The following TBK1 variants were observed in gnomAD, a reference collection of about 807,000 sequenced individuals.
TBK1 encodes the protein TANK binding kinase 1, also known as serine/threonine-protein kinase TBK1.
A neutral mutation model predicts 99.9 loss-of-function variants in TBK1; 37 were observed. That is an observed-to-expected ratio of 0.37 (90% CI 0.28 to 0.49). The LOEUF (loss-of-function observed/expected upper bound fraction) is 0.49. Among genes scored for constraint, TBK1 ranks in the 20% least tolerant of loss-of-function variants. The pLI is 0.98. For missense variants in TBK1, 644 were observed against 872.5 expected (o/e 0.74, Z 3.30); for synonymous variants, 258 against 279.8 (o/e 0.92, Z 0.78).
chr12:64,466,958 G>C lies in TBK1; in HGVS notation c.416G>C (p.Gly139Ala). Reference sequence around the variant, plus strand: ...ATAGTGCACCGTGATATCAAGCCAGGAAATATCATGCGTGTTATAGGGGAA... The same window carrying C: ...ATAGTGCACCGTGATATCAAGCCAGCAAATATCATGCGTGTTATAGGGGAA... ...NGIVHRDIKP[G>A]NIMRVIGEDG... Residue 139 changes from glycine (G) to alanine (A), a missense_variant, in exon 5 of 21, where the codon GGA becomes GCA. Gly to Ala is a moderately conservative substitution (Grantham distance 60). Transcript: ENST00000331710. 1 of 1,612,908 alleles carries C rather than the reference G, an allele frequency of 6.2e-7. No individual in the cohort carries two copies. Among genetic ancestry groups the C allele is most frequent in the Non-Finnish European group, 8.5e-7 (1 of 1,179,448 alleles).
In TBK1 at chr12:64,502,001, A is replaced by G. The variant is rs1868250028; in HGVS notation, c.*620A>G. ...ATTCATTTTTTTCCTTTGGCCATAA[A>G]TGTGTAATTGTCATTAAAATTCTAA... On this transcript the variant is annotated 3_prime_UTR_variant, in exon 21 of 21. Transcript: ENST00000331710. 1 of 152,604 alleles carries G rather than the reference A, an allele frequency of 6.6e-6. No homozygotes were observed. The highest frequency in any genetic ancestry group is 6.5e-5 in the Admixed American group (1 of 15,270). The allele number at this position is 152,604 out of a possible 1,614,324, so 9.5% of individuals were successfully genotyped here.
chr12:64,459,542 G>T (rs150469463), intron 2 of TBK1, among the ~76,000 whole-genome samples: 52 of 152,250 alleles, frequency 3.4e-4, no homozygotes, highest in Non-Finnish European at 7.1e-4. Context: ...TCTAGAGAGG[G>T]TCTGTGAAGG....
intron 13 of TBK1, among the ~76,000 whole-genome samples, chr12:64,494,515 A>T (rs1201749739): frequency 6.6e-6 from 1 of 152,104 alleles, no homozygotes. Context: ...GTACATGTTT[A>T]AAAAATGTTA....
intron 11 of TBK1, among the ~76,000 whole-genome samples, chr12:64,487,981 A>G (rs1253177856): frequency 1.3e-5 from 2 of 152,228 alleles, no homozygotes; most frequent in African/African-American, 4.8e-5. Flanking sequence ...GCTCAAAGGA[A>G]ATACTCATTG....
In TBK1 at chr12:64,497,741, G is replaced by C. The variant is rs753180956; in HGVS notation, c.2053G>C (p.Glu685Gln). The C allele has an allele frequency of 1.3e-6, 2 of 1,599,776 alleles. No homozygotes were observed. The highest frequency in any genetic ancestry group is 8.5e-7 in the Non-Finnish European group (1 of 1,173,476). ...PIYPSSNTLV[E>Q]MTLGMKKLKE... Reference sequence around the variant, plus strand: ...TTATCCAAGTTCTAACACATTAGTAGAAATGACTCTTGGGTAAGAAACTCA... The same window carrying C: ...TTATCCAAGTTCTAACACATTAGTACAAATGACTCTTGGGTAAGAAACTCA... The change falls in exon 19 of 21, where the codon GAA becomes CAA. Residue 685 changes from glutamate (E) to glutamine (Q), a missense_variant. Transcript: ENST00000331710.
At chr12:64,470,912 A>C (rs1207084373) in intron 5 of TBK1, among the ~76,000 whole-genome samples, 1 of 152,182 alleles carries the variant, frequency 6.6e-6, no homozygotes, top group Non-Finnish European at 1.5e-5. Flanking sequence ...AAATAAATTA[A>C]TTCCAAGTCT....
At chr12:64,496,911 G>T in intron 16 of TBK1, 38 bp from the exon 17 acceptor site, 2 of 1,361,010 alleles carry the variant, frequency 1.5e-6, no homozygotes, top group South Asian at 2.5e-5. Context: ...TAGAAACAGT[G>T]ACATTGGTTT....
At chr12:64,491,672 C>G (rs1010051745) in intron 13 of TBK1, among the ~76,000 whole-genome samples, 1 of 151,990 alleles carries the variant, frequency 6.6e-6, no homozygotes, top group Non-Finnish European at 1.5e-5. Flanking sequence ...TTTTAGTATT[C>G]GAAGTATTCT....
intron 2 of TBK1, 71 bp from the exon 3 acceptor site, chr12:64,460,118 T>C (rs1296511417): frequency 1.9e-6 from 2 of 1,073,220 alleles, no homozygotes; most frequent in Non-Finnish European, 2.5e-6. Flanking sequence ...CAATAGCGAG[T>C]TCTAATGCTA....
chr12:64,476,520 GT>G (rs376678441), intron 6 of TBK1, among the ~76,000 whole-genome samples: 1 of 151,994 alleles, frequency 6.6e-6, no homozygotes, highest in Non-Finnish European at 1.5e-5. Context: ...GGGAATGTTT[GT>G]TTTTTTCTTG....
intron 8 of TBK1, among the ~76,000 whole-genome samples, chr12:64,483,243 C>T (rs2040785262): frequency 6.6e-6 from 1 of 152,184 alleles, no homozygotes; most frequent in East Asian, 1.9e-4. Context: ...ATGTCTGTAA[C>T]AAAACATCTC....
intron 1 of TBK1, among the ~76,000 whole-genome samples, chr12:64,453,187 T>TA (rs1424387938): frequency 1.3e-5 from 2 of 152,242 alleles, no homozygotes; most frequent in Non-Finnish European, 2.9e-5. Context: ...TATTGGAAGA[T>TA]AATTTCAAAA....
intron 20 of TBK1, among the ~76,000 whole-genome samples, chr12:64,499,058 T>TC (rs1555205640): frequency 0.055 from 7,267 of 133,154 alleles, 465 homozygotes; most frequent in Middle Eastern, 0.13. Flanking sequence ...TTTTTTTTTT[T>TC]CCCCCGAGAC....
At chr12:64,464,219 A>C (rs1291818493) in intron 3 of TBK1, 115 bp from the exon 4 acceptor site, 2 of 778,050 alleles carry the variant, frequency 2.6e-6, no homozygotes, top group Admixed American at 3.1e-5. Context: ...CAGGTGAAGC[A>C]AAGTGCCTTC....
intron 13 of TBK1, among the ~76,000 whole-genome samples, chr12:64,493,132 G>T (rs1408230393): frequency 6.6e-6 from 1 of 151,904 alleles, no homozygotes; most frequent in Non-Finnish European, 1.5e-5. Context: ...CTGACCTCAT[G>T]ATCTGCCCAC....
intron 6 of TBK1, among the ~76,000 whole-genome samples, chr12:64,477,661 G>A (rs1209329466): frequency 1.3e-5 from 2 of 152,144 alleles, no homozygotes; most frequent in East Asian, 1.9e-4. Flanking sequence ...TTACCTGATT[G>A]CTCTGGCTGA....
intron 9 of TBK1, 99 bp from the exon 10 acceptor site, chr12:64,485,356 C>G (rs1274853371): frequency 1.9e-6 from 1 of 515,446 alleles, no homozygotes; most frequent in African/African-American, 2.0e-5. Context: ...ACAGATTTTG[C>G]CACTAATGTT....
At chr12:64,498,684 G>A (rs1035245019) in intron 20 of TBK1, among the ~76,000 whole-genome samples, 1 of 152,106 alleles carries the variant, frequency 6.6e-6, no homozygotes, top group African/African-American at 2.4e-5. Flanking sequence ...GGCCAGGCAC[G>A]GTGGCTCACA....
rs757007965 is a variant in TBK1 at position 64,460,362 on chromosome 12, G to A, written c.228+33G>A. On this transcript the variant is annotated intron_variant, in intron 3 of 20. Transcript: ENST00000331710. ...GTAAAACTTCAATCTTATATTTATT[G>A]TAGTTACGAGTCAAGAAATAGAACC... The A allele has an allele frequency of 3.2e-5, 47 of 1,455,314 alleles. No homozygotes were observed. The East Asian group carries it at 1.0e-3, about 32-fold the overall frequency. The allele number at this position is 1,455,314 out of a possible 1,614,324, so 90.2% of individuals were successfully genotyped here.
Sources: allele counts gnomAD v4.1 joint callset (sites outside exome capture counted in the v4.1 genomes callset), GRCh38; gene constraint gnomAD v4.1.1; transcripts MANE v1.5; gene names NCBI Gene and HGNC (gene_info 2026-07-23, HGNC 2026-07-21).